Variants in PHC3 observed in about 807,000 individuals in gnomAD.
The protein encoded by PHC3 is polyhomeotic homolog 3, also known as polyhomeotic-like protein 3.
A neutral mutation model predicts 107.4 loss-of-function variants in PHC3; 13 were observed. The ratio of observed to expected loss-of-function variants is 0.12; its 90% CI spans 0.08 to 0.19. The LOEUF (loss-of-function observed/expected upper bound fraction) is 0.19. Ranked by LOEUF, PHC3 falls within the 10% of genes least tolerant of loss-of-function variation. The pLI, the probability that PHC3 is intolerant of heterozygous loss-of-function variation, is 1.00. For missense variants in PHC3, 992 were observed against 1,210.9 expected (o/e 0.82, Z 2.68); for synonymous variants, 456 against 427.4 (o/e 1.07, Z -0.83).
In PHC3 at chr3:170,091,509, C is replaced by T. The variant is rs1197158708; in HGVS notation, c.*5721G>A. 8 of 152,182 alleles carry T rather than the reference C, an allele frequency of 5.3e-5. No homozygotes were observed. Among genetic ancestry groups the T allele is most frequent in the African/African-American group, 1.9e-4 (8 of 41,512 alleles). The allele number at this position is 152,182 out of a possible 1,614,324, so 9.4% of individuals were successfully genotyped here. A position where few individuals can be genotyped will look rare whatever the true frequency, so the allele number is the denominator to read the frequency against. On this transcript the variant is annotated 3_prime_UTR_variant, in exon 15 of 15. Coordinates refer to ENST00000495893, the MANE Select transcript of PHC3 (RefSeq NM_024947.4). ...TAACATTTCCGATTAAAATTGTCATCTTTAAGTAAAATTAAATGTCAACAA... is the reference window on the plus strand; with the variant it reads ...TAACATTTCCGATTAAAATTGTCATTTTTAAGTAAAATTAAATGTCAACAA...
chr3:170,141,674 C>T (rs992526083), intron 6 of PHC3, among the ~76,000 whole-genome samples: 2 of 152,106 alleles, frequency 1.3e-5, no homozygotes, highest in African/African-American at 4.8e-5. Context: ...TGCAGTGGCT[C>T]GATCTTGGCT....
In PHC3 at chr3:170,102,606, T is replaced by C; in HGVS notation, c.2706A>G (p.Arg902=). Residue 902 remains arginine, a synonymous_variant, in exon 14 of 15, where the codon AGA becomes AGG. Transcript: ENST00000495893. ...TRLRRQSERE[R]ERELRDVRIR... ...TTCTCACATCCCGAAGCTCACGTTCTCTTTCCCGCTCGCTCTGCCTGCGCA... is the reference window on the plus strand; with the variant it reads ...TTCTCACATCCCGAAGCTCACGTTCCCTTTCCCGCTCGCTCTGCCTGCGCA... 1.9e-6 allele frequency: 3 copies of C among 1,614,010 alleles called. No homozygotes were observed. Among genetic ancestry groups the C allele is most frequent in the Non-Finnish European group, 2.5e-6 (3 of 1,179,870 alleles).
chr3:170,179,297 A>G (rs963305608), intron 1 of PHC3, among the ~76,000 whole-genome samples: 4 of 152,200 alleles, frequency 2.6e-5, no homozygotes, highest in African/African-American at 9.7e-5. Context: ...GTATCAGAGT[A>G]TTTTAAAACA....
Position 170,102,839 on chromosome 3 carries a change from C to T in PHC3, c.2564G>A (p.Gly855Asp). 2 of 1,613,918 alleles carry T rather than the reference C, an allele frequency of 1.2e-6. No homozygotes were observed. Among genetic ancestry groups the T allele is most frequent in the Non-Finnish European group, 1.7e-6 (2 of 1,179,856 alleles). Residue 855 changes from glycine (G) to aspartate (D), a missense_variant, in exon 13 of 15, where the codon GGC becomes GAC. Physicochemically the swap from Gly to Asp is moderately conservative, Grantham distance 94. Transcript: ENST00000495893. ...ATGTTCTCTCGCTGCCCCATCAGGG[C>T]CACTTGGACGACGGCCACGATGCCC... is the stretch of plus-strand genomic sequence containing the variant. ...SLGHRGRRPS[G>D]PDGAAREHIL...
intron 11 of PHC3, among the ~76,000 whole-genome samples, chr3:170,112,673 G>A (rs1325877187): frequency 6.6e-6 from 1 of 151,568 alleles, no homozygotes; most frequent in Non-Finnish European, 1.5e-5. Flanking sequence ...ACAGGTGCAT[G>A]CCACCACACC....
intron 4 of PHC3, among the ~76,000 whole-genome samples, chr3:170,158,176 G>A (rs1337098651): frequency 2.6e-5 from 4 of 151,692 alleles, no homozygotes; most frequent in East Asian, 1.9e-4. Flanking sequence ...CTCTTCAAAC[G>A]TCATGAAAGA....
At chr3:170,122,782 A>C in intron 8 of PHC3, 38 bp from the exon 9 acceptor site, 7 of 1,596,394 alleles carry the variant, frequency 4.4e-6, no homozygotes, top group African/African-American at 1.3e-5. Context: ...AATGTTTCCA[A>C]AACTATATTT....
At chr3:170,135,051 T>G (rs1722847320) in intron 7 of PHC3, among the ~76,000 whole-genome samples, 1 of 152,184 alleles carries the variant, frequency 6.6e-6, no homozygotes, top group African/African-American at 2.4e-5. Context: ...CACCTAAGTA[T>G]AAAACAAGTC....
At position 170,173,451 on chromosome 3, in the gene PHC3, C is replaced by G. The variant is rs111496090; in HGVS notation, c.181-739G>C. ...GGATAAAACTTCGTAGAATTCAGGG[C>G]TTGGGTGTGGAGAGAAATACCTTTA... On this transcript the variant is annotated intron_variant, in intron 2 of 14. Transcript: ENST00000495893. Among the ~76,000 whole-genome samples the G allele has an allele frequency of 8.0e-3, 1,214 of 152,184 alleles. 14 individuals carry two copies. The highest frequency in any genetic ancestry group is 0.027 in the African/African-American group (1,118 of 41,502).
At chr3:170,173,353 G>A (rs1729922838) in intron 2 of PHC3, among the ~76,000 whole-genome samples, 1 of 152,176 alleles carries the variant, frequency 6.6e-6, no homozygotes, top group Non-Finnish European at 1.5e-5. Flanking sequence ...AGATTTAAAA[G>A]AATACTACTA....
At chr3:170,180,233 C>T (rs1190153373) in intron 1 of PHC3, among the ~76,000 whole-genome samples, 1 of 151,408 alleles carries the variant, frequency 6.6e-6, no homozygotes, top group Non-Finnish European at 1.5e-5. Flanking sequence ...ACTGCTTGAG[C>T]TTAGGCGTTC....
chr3:170,149,005 C>T (rs1490448849), intron 5 of PHC3, 81 bp downstream of exon 5: 2 of 1,356,130 alleles, frequency 1.5e-6, no homozygotes, highest in African/African-American at 1.5e-5. Flanking sequence ...ATTAAAAATA[C>T]CTCTTATTGT....
intron 6 of PHC3, among the ~76,000 whole-genome samples, chr3:170,137,733 T>C (rs905414135): frequency 2.0e-5 from 3 of 152,184 alleles, no homozygotes; most frequent in African/African-American, 7.2e-5. Context: ...ACTCCATCTC[T>C]ACTAAAGATA....
chr3:170,134,978 TG>T (rs1481508443), intron 7 of PHC3, among the ~76,000 whole-genome samples: 1 of 152,160 alleles, frequency 6.6e-6, no homozygotes, highest in African/African-American at 2.4e-5. Context: ...TAGAGAATGC[TG>T]GCAGTATTAA....
At chr3:170,137,084 A>G (rs1723213626) in intron 6 of PHC3, among the ~76,000 whole-genome samples, 1 of 152,230 alleles carries the variant, frequency 6.6e-6, no homozygotes. Flanking sequence ...ACTGCATTTA[A>G]AAGTTACCAG....
At chr3:170,111,261 A>AGAAG (rs142477519) in intron 11 of PHC3, among the ~76,000 whole-genome samples, 3,167 of 121,106 alleles carry the variant, frequency 0.026, 59 homozygotes, top group African/African-American at 0.036. Flanking sequence ...TAAAACAAGA[A>AGAAG]GAAGGAAGGA....
chr3:170,168,461 CAAT>C (rs1729065871), intron 4 of PHC3, among the ~76,000 whole-genome samples: 5 of 152,088 alleles, frequency 3.3e-5, no homozygotes, highest in Non-Finnish European at 1.5e-5. Flanking sequence ...TAGAGCCAAA[CAAT>C]CATAAAATCA....
intron 5 of PHC3, chr3:170,147,205 C>A (rs1290032352): frequency 2.6e-5 from 4 of 152,198 alleles, no homozygotes; most frequent in Admixed American, 2.0e-4. Flanking sequence ...ACAATCCACT[C>A]AGAGATTAAC....
At chr3:170,101,990 T>C (rs1200499899) in intron 14 of PHC3, among the ~76,000 whole-genome samples, 3 of 152,176 alleles carry the variant, frequency 2.0e-5, no homozygotes, top group African/African-American at 7.2e-5. Context: ...AGGACTAGCT[T>C]GATTTTTTCA....
Sources: allele counts gnomAD v4.1 joint callset (sites outside exome capture counted in the v4.1 genomes callset), GRCh38; gene constraint gnomAD v4.1.1; transcripts MANE v1.5; gene names NCBI Gene and HGNC (gene_info 2026-07-23, HGNC 2026-07-21).